Variants in SPON1 observed in about 807,000 individuals in gnomAD.
SPON1 encodes spondin 1, also known as spondin-1.
SPON1 carries 52 observed loss-of-function variants against 111.7 expected under a neutral mutation model. That is an observed-to-expected ratio of 0.47 (90% CI 0.37 to 0.59). SPON1 has a LOEUF of 0.59. SPON1 is among the 20% of genes least tolerant of loss of function. The pLI is 0.00. For missense variants in SPON1, 957 were observed against 1,068.5 expected, an observed-to-expected ratio of 0.90 and a Z score of 1.46; for synonymous variants, 410 against 395.8, an observed-to-expected ratio of 1.04 and a Z score of -0.43.
intron 6 of SPON1, among the ~76,000 whole-genome samples, chr11:14,140,098 T>C (rs782684559): frequency 7.9e-5 from 12 of 152,112 alleles, no homozygotes; most frequent in Non-Finnish European, 1.6e-4. Flanking sequence ...ACTTATTCCT[T>C]AGGGGAATCT....
At chr11:14,082,008 C>A (rs1554922103) in intron 5 of SPON1, among the ~76,000 whole-genome samples, 1 of 152,070 alleles carries the variant, frequency 6.6e-6, no homozygotes, top group East Asian at 1.9e-4. Context: ...GACTCTCTGC[C>A]TGGGGGAAAG....
At chr11:14,086,745 G>T (rs1849009965) in intron 5 of SPON1, among the ~76,000 whole-genome samples, 1 of 152,184 alleles carries the variant, frequency 6.6e-6, no homozygotes, top group South Asian at 2.1e-4. Flanking sequence ...TTGTACCTCT[G>T]GCAGAATTCA....
chr11:14,210,357 A>G (rs1484801205), intron 6 of SPON1, among the ~76,000 whole-genome samples: 3 of 145,400 alleles, frequency 2.1e-5, no homozygotes, highest in African/African-American at 7.6e-5. Flanking sequence ...CCTGAATAGT[A>G]TAGGTTTTCT....
chr11:13,975,218 C>T (rs181263717), intron 1 of SPON1, among the ~76,000 whole-genome samples: 1 of 152,228 alleles, frequency 6.6e-6, no homozygotes, highest in Admixed American at 6.5e-5. Flanking sequence ...GACGCCATGT[C>T]TTTTTTACTC....
chr11:14,205,165 TC>T (rs762462253), intron 6 of SPON1, among the ~76,000 whole-genome samples: 1 of 152,210 alleles, frequency 6.6e-6, no homozygotes, highest in Non-Finnish European at 1.5e-5. Context: ...GTTTTAAGAT[TC>T]AGTTCAAATT....
intron 1 of SPON1, among the ~76,000 whole-genome samples, chr11:13,980,721 T>A (rs1331900039): frequency 7.9e-5 from 12 of 152,200 alleles, no homozygotes; most frequent in Non-Finnish European, 1.6e-4. Flanking sequence ...ATATTATATG[T>A]CAAATGAATT....
chr11:14,039,677 T>G (rs1163792954), intron 2 of SPON1, among the ~76,000 whole-genome samples: 1 of 152,156 alleles, frequency 6.6e-6, no homozygotes, highest in Non-Finnish European at 1.5e-5. Flanking sequence ...ATGATCTCAG[T>G]TTCTTTAGGC....
At chr11:14,260,855 T>C in intron 14 of SPON1, 103 bp downstream of exon 14, 10 of 1,315,032 alleles carry the variant, frequency 7.6e-6, no homozygotes, top group Non-Finnish European at 8.3e-6. Context: ...AATAACATGG[T>C]TTGCTGGGGA....
At chr11:14,264,681 A>ATGAC (rs1849242572) in intron 15 of SPON1, among the ~76,000 whole-genome samples, 2 of 152,204 alleles carry the variant, frequency 1.3e-5, no homozygotes, top group South Asian at 4.1e-4. Flanking sequence ...ACATTCCTCC[A>ATGAC]TGACTCTTAG....
intron 2 of SPON1, among the ~76,000 whole-genome samples, chr11:13,987,513 T>A (rs906948267): frequency 1.3e-5 from 2 of 152,206 alleles, no homozygotes; most frequent in Non-Finnish European, 2.9e-5. Context: ...GCCTGTTCAC[T>A]CTGATGGTAG....
intron 3 of SPON1, among the ~76,000 whole-genome samples, chr11:14,056,364 G>C (rs2133820766): frequency 6.6e-6 from 1 of 152,312 alleles, no homozygotes. Context: ...CTAAGACAAA[G>C]AAGTGGTCTA....
chr11:14,059,988 A>G (rs1299909553), intron 3 of SPON1, among the ~76,000 whole-genome samples: 1 of 152,158 alleles, frequency 6.6e-6, no homozygotes, highest in African/African-American at 2.4e-5. Flanking sequence ...GGCTCTACCC[A>G]GTCTGAGCCT....
rs1436098929 is a variant in SPON1, at chr11:14,254,429, C to T, written c.891-99C>T. On this transcript the variant is annotated intron_variant, in intron 7 of 15. Transcript: ENST00000576479. ...GTGGGAGACCACGAATGTGGATACT[C>T]TCTGTCCCTCTCATTCTTCATAATC... 5 of 1,097,536 alleles carry T rather than the reference C, an allele frequency of 4.6e-6. No homozygotes were observed. In the East Asian group the frequency reaches 1.3e-4, roughly 28 times the overall value. The allele number at this position is 1,097,536 out of a possible 1,614,324, so 68.0% of individuals were successfully genotyped here. A position where few individuals can be genotyped will look rare whatever the true frequency, so the allele number is the denominator to read the frequency against.
At chr11:14,018,043 C>T (rs1242793378) in intron 2 of SPON1, among the ~76,000 whole-genome samples, 1 of 152,138 alleles carries the variant, frequency 6.6e-6, no homozygotes, top group African/African-American at 2.4e-5. Context: ...TTTAAGAAGA[C>T]TTTGCTGGAG....
At chr11:14,061,030 T>G (rs1234273473) in intron 3 of SPON1, among the ~76,000 whole-genome samples, 1 of 152,232 alleles carries the variant, frequency 6.6e-6, no homozygotes, top group Non-Finnish European at 1.5e-5. Flanking sequence ...GATAAAATTT[T>G]TCAAGCTCCT....
At chr11:14,008,913 C>A (rs1231091445) in intron 2 of SPON1, among the ~76,000 whole-genome samples, 2 of 152,188 alleles carry the variant, frequency 1.3e-5, no homozygotes, top group African/African-American at 2.4e-5. Flanking sequence ...TCACTAAGTC[C>A]TGCTGATGGT....
chr11:13,975,093 T>C (rs1267053539), intron 1 of SPON1, among the ~76,000 whole-genome samples: 2 of 152,244 alleles, frequency 1.3e-5, no homozygotes, highest in Non-Finnish European at 2.9e-5. Flanking sequence ...TGTTCTCTCC[T>C]CTGCAACCCC....
At chr11:14,186,615 T>G (rs1038163939) in intron 6 of SPON1, among the ~76,000 whole-genome samples, 9 of 152,250 alleles carry the variant, frequency 5.9e-5, no homozygotes, top group African/African-American at 2.2e-4. Context: ...CTGTCCCATT[T>G]ATCCAACACT....
rs536010233 is a variant in SPON1, at chr11:14,232,926, G to A, written c.826-10406G>A. On this transcript the variant is annotated intron_variant, in intron 6 of 15. Coordinates refer to ENST00000576479, the MANE Select transcript of SPON1 (RefSeq NM_006108.4). ...GGCAGTAGGGCAGCAGTAAACAGAG[G>A]CCGCAGAGGTAGTGGGGTAAGCACA... Among the ~76,000 whole-genome samples, 9 of 152,210 alleles carry A rather than the reference G, an allele frequency of 5.9e-5. No homozygotes were observed. The South Asian group carries it at 1.7e-3, about 28-fold the overall frequency.
Sources: allele counts gnomAD v4.1 joint callset (sites outside exome capture counted in the v4.1 genomes callset), GRCh38; gene constraint gnomAD v4.1.1; transcripts MANE v1.5; gene names NCBI Gene and HGNC (gene_info 2026-07-23, HGNC 2026-07-21).